The following ARB2A variants were observed in gnomAD, a reference collection of about 807,000 sequenced individuals.
The protein encoded by ARB2A is ARB2 cotranscriptional regulator A.
the ARB2A span, among the ~76,000 whole-genome samples, chr5:94,035,252 T>TACATATACATAC: frequency 6.6e-6 from 1 of 151,844 alleles, no homozygotes; most frequent in African/African-American, 2.4e-5. Flanking sequence ...CATATACATA[T>TACATATACATAC]ACATCACTAT....
the ARB2A span, among the ~76,000 whole-genome samples, chr5:93,651,038 A>G: frequency 2.0e-5 from 3 of 152,164 alleles, no homozygotes; most frequent in Non-Finnish European, 4.4e-5. Context: ...TACACACTAT[A>G]TACAGCTTAA....
chr5:93,677,250 A>G, the ARB2A span, among the ~76,000 whole-genome samples: 3 of 152,206 alleles, frequency 2.0e-5, no homozygotes, highest in African/African-American at 4.8e-5. Context: ...ATGATGCACA[A>G]AAGTTCATGT....
the ARB2A span, among the ~76,000 whole-genome samples, chr5:93,685,514 C>T: frequency 3.3e-5 from 5 of 152,166 alleles, no homozygotes; most frequent in Non-Finnish European, 7.3e-5. Context: ...ACAAGCCCTT[C>T]CTCTTCCCCA....
the ARB2A span, among the ~76,000 whole-genome samples, chr5:93,941,220 TC>T: frequency 6.6e-6 from 1 of 151,990 alleles, no homozygotes; most frequent in South Asian, 2.1e-4. Context: ...CCAGAAAATC[TC>T]ACCCTTCACA....
the ARB2A span, among the ~76,000 whole-genome samples, chr5:93,629,382 C>T: frequency 6.6e-6 from 1 of 151,790 alleles, no homozygotes; most frequent in African/African-American, 2.4e-5. Flanking sequence ...CATAGAGACA[C>T]AAAGTAAGCA....
chr5:93,617,852 A>C, the ARB2A span, among the ~76,000 whole-genome samples: 1 of 152,192 alleles, frequency 6.6e-6, no homozygotes, highest in Admixed American at 6.5e-5. Context: ...ACTGTCTTAG[A>C]AATGTTAGCT....
the ARB2A span, among the ~76,000 whole-genome samples, chr5:93,755,021 C>T: frequency 9.2e-3 from 1,400 of 152,202 alleles, 9 homozygotes; most frequent in Non-Finnish European, 0.014. Flanking sequence ...CTGCAAATGC[C>T]TTTTCAGTCC....
the ARB2A span, among the ~76,000 whole-genome samples, chr5:93,932,857 G>A: frequency 2.0e-5 from 3 of 152,130 alleles, no homozygotes; most frequent in Admixed American, 1.3e-4. Context: ...ACACAGAGAA[G>A]TAAACAAAAT....
the ARB2A span, among the ~76,000 whole-genome samples, chr5:93,936,484 A>G: frequency 1.3e-5 from 2 of 152,210 alleles, no homozygotes; most frequent in Non-Finnish European, 2.9e-5. Context: ...TTATACCATC[A>G]ACCAGTAAAT....
At chr5:94,042,420 A>G in the ARB2A span, among the ~76,000 whole-genome samples, 1 of 144,308 alleles carries the variant, frequency 6.9e-6, no homozygotes, top group African/African-American at 2.6e-5. Context: ...ATTCTCCTGC[A>G]TCAGCCTCCC....
At chr5:93,786,704 C>T in the ARB2A span, among the ~76,000 whole-genome samples, 1 of 152,188 alleles carries the variant, frequency 6.6e-6, no homozygotes, top group Non-Finnish European at 1.5e-5. Context: ...CCTGGAACTA[C>T]TTGCAACTGC....
the ARB2A span, among the ~76,000 whole-genome samples, chr5:93,679,812 C>T: frequency 6.6e-6 from 1 of 152,098 alleles, no homozygotes; most frequent in Admixed American, 6.5e-5. Flanking sequence ...ATAAAGTATT[C>T]CTGATTACGT....
At chr5:93,866,474 C>G in the ARB2A span, among the ~76,000 whole-genome samples, 1 of 152,024 alleles carries the variant, frequency 6.6e-6, no homozygotes, top group South Asian at 2.1e-4. Context: ...ATACACGCAG[C>G]TGCTGAGGAA....
At chr5:93,873,640 AC>A in the ARB2A span, among the ~76,000 whole-genome samples, 1 of 152,164 alleles carries the variant, frequency 6.6e-6, no homozygotes, top group Admixed American at 6.5e-5. Flanking sequence ...AAATGAAGAA[AC>A]AGGTATGCTT....
chr5:93,787,234 T>C, the ARB2A span, among the ~76,000 whole-genome samples: 2 of 152,140 alleles, frequency 1.3e-5, no homozygotes, highest in Admixed American at 1.3e-4. Context: ...AAATATCCAG[T>C]AAGAGATCCC....
At chr5:93,698,889 G>A in the ARB2A span, among the ~76,000 whole-genome samples, 1 of 152,182 alleles carries the variant, frequency 6.6e-6, no homozygotes, top group Non-Finnish European at 1.5e-5. Context: ...ATGCTATGGT[G>A]GGGGTCATGC....
the ARB2A span, among the ~76,000 whole-genome samples, chr5:94,035,824 GGGA>G: frequency 2.0e-5 from 3 of 152,184 alleles, no homozygotes; most frequent in Non-Finnish European, 2.9e-5. Context: ...TATGGACAGA[GGGA>G]GGAGAACATC....
chr5:93,647,791 TG>T, the ARB2A span, among the ~76,000 whole-genome samples: 619 of 152,342 alleles, frequency 4.1e-3, 7 homozygotes, highest in African/African-American at 0.014. Context: ...CCCAAAGTGC[TG>T]GGATCACAGG....
At chr5:93,633,612 T>C in the ARB2A span, among the ~76,000 whole-genome samples, 1 of 152,194 alleles carries the variant, frequency 6.6e-6, no homozygotes, top group African/African-American at 2.4e-5. Flanking sequence ...CTGTCTTACA[T>C]TTCTGTATTA....
Sources: allele counts gnomAD v4.1 joint callset (sites outside exome capture counted in the v4.1 genomes callset), GRCh38; gene constraint gnomAD v4.1.1; transcripts MANE v1.5; gene names NCBI Gene and HGNC (gene_info 2026-07-23, HGNC 2026-07-21).